The following TIAM1 variants were observed in gnomAD, a reference collection of about 807,000 sequenced individuals.
TIAM1 encodes the protein rho guanine nucleotide exchange factor TIAM1.
A neutral mutation model predicts 163.5 loss-of-function variants in TIAM1; 65 were observed. That is an observed-to-expected ratio of 0.40 (90% CI 0.33 to 0.49). The LOEUF (loss-of-function observed/expected upper bound fraction) is 0.49, where lower values mean the gene tolerates loss of function less well. Among genes scored for constraint, TIAM1 ranks in the 20% least tolerant of loss-of-function variants. TIAM1 has a pLI of 0.77. For missense variants in TIAM1, 1,789 were observed against 2,044.7 expected (o/e 0.87, Z 2.41); for synonymous variants, 833 against 810.1 (o/e 1.03, Z -0.48).
intron 7 of TIAM1, 119 bp downstream of exon 7, chr21:31,225,607 G>A (rs2087905458): frequency 6.5e-6 from 5 of 774,396 alleles, no homozygotes; most frequent in African/African-American, 1.8e-5. Context: ...CATCCTGGAT[G>A]ACAGGCTGTC....
At chr21:31,508,082 A>T (rs1286102975) in intron 1 of TIAM1, among the ~76,000 whole-genome samples, 1 of 152,184 alleles carries the variant, frequency 6.6e-6, no homozygotes, top group African/African-American at 2.4e-5. Context: ...CAGGGACAGG[A>T]AGGACGCAGC....
At chr21:31,228,446 G>T (rs2088191729) in intron 6 of TIAM1, among the ~76,000 whole-genome samples, 1 of 151,632 alleles carries the variant, frequency 6.6e-6, no homozygotes, top group Non-Finnish European at 1.5e-5. Flanking sequence ...ATGCACTCTG[G>T]GTACACACTC....
intron 2 of TIAM1, among the ~76,000 whole-genome samples, chr21:31,338,401 G>C (rs371403349): frequency 6.6e-6 from 1 of 152,172 alleles, no homozygotes; most frequent in Non-Finnish European, 1.5e-5. Context: ...AATGCATCCC[G>C]ATGTCACCTG....
chr21:31,308,087 C>T (rs2074785721), intron 2 of TIAM1, among the ~76,000 whole-genome samples: 3 of 152,072 alleles, frequency 2.0e-5, no homozygotes, highest in Non-Finnish European at 1.5e-5. Flanking sequence ...CTCATCTCTA[C>T]AAAAACTACA....
intron 2 of TIAM1, among the ~76,000 whole-genome samples, chr21:31,280,980 G>A (rs2073526292): frequency 6.6e-6 from 1 of 151,164 alleles, no homozygotes; most frequent in Non-Finnish European, 1.5e-5. Context: ...AGCTGGGTGT[G>A]GTGGCGTATG....
At chr21:31,221,876 T>C in intron 8 of TIAM1, among the ~76,000 whole-genome samples, 1 of 152,192 alleles carries the variant, frequency 6.6e-6, no homozygotes, top group South Asian at 2.1e-4. Flanking sequence ...AAAATTGGTG[T>C]CCAGGTCTCC....
intron 1 of TIAM1, among the ~76,000 whole-genome samples, chr21:31,485,073 T>G (rs1177600977): frequency 6.7e-6 from 1 of 149,746 alleles, no homozygotes; most frequent in Non-Finnish European, 1.5e-5. Context: ...CCAAATAAAC[T>G]TCTGTTCTTT....
intron 2 of TIAM1, among the ~76,000 whole-genome samples, chr21:31,441,751 C>T (rs1430429009): frequency 1.3e-5 from 2 of 151,864 alleles, no homozygotes; most frequent in South Asian, 2.1e-4. Flanking sequence ...GTAATGAAGA[C>T]TTAATTCAAA....
chr21:31,237,860 G>A (rs961633325), intron 6 of TIAM1, among the ~76,000 whole-genome samples: 4 of 152,160 alleles, frequency 2.6e-5, no homozygotes, highest in African/African-American at 7.2e-5. Flanking sequence ...ACATCCTAAG[G>A]TAATGAATGA....
In TIAM1 at chr21:31,301,594, C is replaced by T. The variant is rs193159125; in HGVS notation, c.-188-24686G>A. 2.8e-4 allele frequency among the ~76,000 whole-genome samples: 42 copies of T among 152,292 alleles called. 1 individual carries two copies. In the East Asian group the frequency reaches 7.3e-3, roughly 27 times the overall value. ...GTGGCTCACGCCTGTAATCCCAACA[C>T]TTTGGGAGGCAGAAGAGAGTGGATC... On this transcript the variant is annotated intron_variant, in intron 2 of 27. Coordinates refer to ENST00000541036, the MANE Select transcript of TIAM1 (RefSeq NM_001353694.2).
At chr21:31,152,355 T>C (rs1007568403) in intron 19 of TIAM1, among the ~76,000 whole-genome samples, 3 of 152,222 alleles carry the variant, frequency 2.0e-5, no homozygotes, top group African/African-American at 7.2e-5. Context: ...TCTAATTCAC[T>C]GATAGCTAAA....
rs117056362 is a variant in TIAM1 at position 31,204,501 on chromosome 21, T to C, written c.2389-1489A>G. 4.1e-3 allele frequency among the ~76,000 whole-genome samples: 620 copies of C among 152,344 alleles called. 3 individuals carry two copies. The highest frequency in any genetic ancestry group is 6.3e-3 in the Admixed American group (97 of 15,298). On this transcript the variant is annotated intron_variant, in intron 11 of 27. Coordinates refer to ENST00000541036, the MANE Select transcript of TIAM1 (RefSeq NM_001353694.2). ...GTTAATTTTAACTGGTTCAGTACTC[T>C]TTCTACTTACCCCACCCTCAAAATA...
At chr21:31,430,219 A>ATAT (rs1292945573) in intron 2 of TIAM1, among the ~76,000 whole-genome samples, 1 of 110,976 alleles carries the variant, frequency 9.0e-6, no homozygotes, top group Non-Finnish European at 1.7e-5. Context: ...AGAAAAAAAA[A>ATAT]AAAAAAATAT....
chr21:31,176,714 T>C lies in TIAM1; in HGVS notation c.2887+5707A>G, dbSNP rs138188486. ...ATGTGATCAAGAAACTATAGAAGGT[T>C]TGCATGTCACCGTAAAATTCCAATT... is the stretch of plus-strand genomic sequence containing the variant. On this transcript the variant is annotated intron_variant, in intron 15 of 27. Transcript: ENST00000541036. Among the ~76,000 whole-genome samples, 385 of 152,146 alleles carry C rather than the reference T, an allele frequency of 2.5e-3. 3 individuals are homozygous for C. The highest frequency in any genetic ancestry group is 8.9e-3 in the African/African-American group (369 of 41,512).
chr21:31,244,907 A>G (rs1343276928), intron 6 of TIAM1, among the ~76,000 whole-genome samples: 1 of 152,214 alleles, frequency 6.6e-6, no homozygotes, highest in Non-Finnish European at 1.5e-5. Flanking sequence ...TCCAAACTCA[A>G]AAGATTCCCT....
intron 1 of TIAM1, among the ~76,000 whole-genome samples, chr21:31,546,828 C>T (rs553200276): frequency 2.0e-5 from 3 of 152,148 alleles, no homozygotes; most frequent in South Asian, 2.1e-4. Context: ...AAGTTTTTCC[C>T]AAATTAAAGT....
chr21:31,336,990 A>G (rs746377833), intron 2 of TIAM1, among the ~76,000 whole-genome samples: 16 of 152,292 alleles, frequency 1.1e-4, no homozygotes, highest in Middle Eastern at 3.4e-3. Flanking sequence ...AAGTATAAAG[A>G]GAATCCAAGC....
At position 31,266,326 on chromosome 21, in the gene TIAM1, G is replaced by T; in HGVS notation, c.647C>A (p.Thr216Lys). 1 of 1,614,238 alleles carries T rather than the reference G, an allele frequency of 6.2e-7. No individual in the cohort carries two copies. Among genetic ancestry groups the T allele is most frequent in the Non-Finnish European group, 8.5e-7 (1 of 1,180,044 alleles). ...KDCEEARGME[T>K]RASPRQLSTC... Reference sequence around the variant, plus strand: ...GCTGAGCTGCCGCGGACTCGCCCGCGTTTCCATCCCCCGAGCCTCCTCGCA... The same window carrying T: ...GCTGAGCTGCCGCGGACTCGCCCGCTTTTCCATCCCCCGAGCCTCCTCGCA... Residue 216 changes from threonine to lysine, a missense_variant, in exon 4 of 28, where the codon ACG becomes AAG. Around this residue, in one of 5 missense-constraint regions of TIAM1, gnomAD observed 555 missense variants for 564.9 expected, o/e 0.98. Transcript: ENST00000541036.
rs568001589 is a variant in TIAM1, at chr21:31,357,837, A to T, written c.-368-18415T>A. On this transcript the variant is annotated intron_variant, in intron 2 of 28. Transcript: ENST00000286827. ...CTATCAGCAGCATTTGACACCACTG[A>T]TTACTCATTCTGCTCTGGTGTACTT... Among the ~76,000 whole-genome samples, 3 of 152,280 alleles carry T rather than the reference A, an allele frequency of 2.0e-5. No homozygotes were observed. The South Asian group carries it at 6.2e-4, about 32-fold the overall frequency.
Sources: gnomAD v4.1 joint callset for allele counts (sites outside exome capture counted in the v4.1 genomes callset) on GRCh38, gnomAD v4.1.1 for gene constraint, gnomAD v4.1.1 regional missense constraint, MANE v1.5 for transcripts, NCBI Gene and HGNC (gene_info 2026-07-23, HGNC 2026-07-21) for gene names.